Variants in EIF2D observed in about 807,000 individuals in gnomAD.
EIF2D encodes hepatocellular carcinoma-associated antigen 56.
EIF2D carries 56 observed loss-of-function variants against 77.4 expected under a neutral mutation model. The observed-to-expected ratio is 0.72, with a 90% CI of 0.58 to 0.90. EIF2D has a LOEUF of 0.90. EIF2D is among the 40% of genes least tolerant of loss of function. The pLI is 0.00. For missense variants in EIF2D, 574 were observed against 706.5 expected (o/e 0.81, Z 2.13); for synonymous variants, 230 against 271.0 (o/e 0.85, Z 1.49).
chr1:206,583,515 G>A (rs1668979427), intron 2 of EIF2D: 11 of 659,124 alleles, frequency 1.7e-5, no homozygotes, highest in African/African-American at 5.4e-5. Flanking sequence ...AGAGGCCTCC[G>A]GGGTCTGGAA....
Position 206,611,378 on chromosome 1 carries a change from T to C in EIF2D, c.57-4A>G. 6.2e-7 allele frequency: 1 copy of C among 1,612,184 alleles called. No individual in the cohort carries two copies. The highest frequency in any genetic ancestry group is 8.5e-7 in the Non-Finnish European group (1 of 1,178,542). On this transcript the variant is annotated splice_polypyrimidine_tract_variant and splice_region_variant and intron_variant, in intron 1 of 14. Transcript: ENST00000271764. Reference sequence around the variant, plus strand: ...CACATCAGCTCGAAGCTTTCTCCTGTGGAAAGCACACCAGCACTGTGAATG... The same window carrying C: ...CACATCAGCTCGAAGCTTTCTCCTGCGGAAAGCACACCAGCACTGTGAATG...
At chr1:206,572,902 G>T (rs1175554818) in intron 4 of EIF2D, among the ~76,000 whole-genome samples, 1 of 152,158 alleles carries the variant, frequency 6.6e-6, no homozygotes, top group African/African-American at 2.4e-5. Context: ...TGGCTGAAGG[G>T]CCTATCGGGA....
intron 14 of EIF2D, 34 bp from the exon 15 acceptor site, chr1:206,591,879 G>A (rs781995775): frequency 2.5e-6 from 4 of 1,609,286 alleles, no homozygotes; most frequent in African/African-American, 1.3e-5. Flanking sequence ...CCTCAGCGGA[G>A]CATGACCTTG....
intron 13 of EIF2D, 147 bp downstream of exon 13, chr1:206,595,571 G>C (rs1669606607): frequency 2.0e-6 from 2 of 997,064 alleles, no homozygotes; most frequent in Non-Finnish European, 2.9e-6. Flanking sequence ...ACAGAGCCCA[G>C]CCCAGGCACA....
At chr1:206,602,254 T>C (rs782371032) in intron 7 of EIF2D, 82 bp downstream of exon 7, 135 of 1,049,212 alleles carry the variant, frequency 1.3e-4, no homozygotes, top group Non-Finnish European at 1.6e-4. Flanking sequence ...AGTCCCTGCA[T>C]TGGCCCCATC....
rs1669045905 is a variant in EIF2D at position 206,584,849 on chromosome 1, G to A, written c.139-3687C>T. The A allele has an allele frequency of 2.8e-6, 2 of 727,002 alleles. No homozygotes were observed. Among genetic ancestry groups the A allele is most frequent in the Admixed American group, 2.8e-5 (1 of 35,412 alleles). 45.0% of individuals were successfully genotyped at this position (727,002 alleles called of 1,614,324 possible). On this transcript the variant is annotated intron_variant and NMD_transcript_variant, in intron 2 of 5. Transcript: ENST00000472709. The surrounding 1 kb of genome is among the most constrained non-coding windows in gnomAD (Gnocchi z 4.9). Reference sequence around the variant, plus strand: ...AGATCTGTGGAATCCGGGCAGGGAGGCAAGAGCAGAGTCCCTGACTCTGCA... The same window carrying A: ...AGATCTGTGGAATCCGGGCAGGGAGACAAGAGCAGAGTCCCTGACTCTGCA...
At chr1:206,605,608 C>G in intron 4 of EIF2D, 101 bp from the exon 5 acceptor site, 1 of 1,000,204 alleles carries the variant, frequency 1.0e-6, no homozygotes, top group South Asian at 1.4e-5. Flanking sequence ...ACCAAGGTTA[C>G]CAATTCGAAG....
At chr1:206,600,511 T>A (rs1669877702) in intron 7 of EIF2D, 1 of 527,582 alleles carries the variant, frequency 1.9e-6, no homozygotes. Context: ...TCAAGAGAAC[T>A]TTCCATAGAC....
intron 2 of EIF2D, among the ~76,000 whole-genome samples, chr1:206,581,881 A>AG (rs1302068204): frequency 3.3e-4 from 50 of 151,862 alleles, no homozygotes; most frequent in African/African-American, 9.4e-4. Context: ...TCTGTCACGG[A>AG]GGGGGGGCCC....
rs941365747 is a variant in EIF2D at position 206,600,118 on chromosome 1, T to C, written c.948+145A>G. On this transcript the variant is annotated intron_variant, in intron 8 of 14. Transcript: ENST00000271764. Reference sequence around the variant, plus strand: ...ACTGCTTCAGCCCAGGGAGAGTTTCTTTCTTCCCCCTTATACTTGGAGTCA... The same window carrying C: ...ACTGCTTCAGCCCAGGGAGAGTTTCCTTCTTCCCCCTTATACTTGGAGTCA... 20 of 843,936 alleles carry C rather than the reference T, an allele frequency of 2.4e-5. No individual in the cohort carries two copies. The African/African-American group carries it at 2.8e-4, about 12-fold the overall frequency. The allele number at this position is 843,936 out of a possible 1,614,324, so 52.3% of individuals were successfully genotyped here. A position where few individuals can be genotyped will look rare whatever the true frequency, so the allele number is the denominator to read the frequency against.
chr1:206,589,517 G>T (rs1669275365), downstream of EIF2D: 1 of 152,344 alleles, frequency 6.6e-6, no homozygotes, highest in East Asian at 1.9e-4. Flanking sequence ...GAGAGTCAAG[G>T]AGACTGATTG....
chr1:206,582,550 G>A (rs1553406602), intron 2 of EIF2D, among the ~76,000 whole-genome samples: 2 of 152,246 alleles, frequency 1.3e-5, no homozygotes, highest in Non-Finnish European at 2.9e-5. Flanking sequence ...TGGCACAGAA[G>A]AAGTGCTAAG....
chr1:206,593,504 AGAGAGTGT>A (rs1669477381), intron 14 of EIF2D, 107 bp downstream of exon 14: 2 of 405,058 alleles, frequency 4.9e-6, no homozygotes, highest in African/African-American at 4.5e-5. Flanking sequence ...AGAGAGAGAG[AGAGAGTGT>A]GTGTGTGTGT....
At position 206,592,084 on chromosome 1, in the gene EIF2D, G is replaced by C. The variant is rs991903377; in HGVS notation, c.1685-239C>G. Among the ~76,000 whole-genome samples the C allele has an allele frequency of 6.6e-6, 1 of 152,212 alleles. No individual in the cohort carries two copies. Among genetic ancestry groups the C allele is most frequent in the African/African-American group, 2.4e-5 (1 of 41,448 alleles). ...TTTTTTCACGAGAGAGAATGTGTCT[G>C]TTCAGTCTGTGCTCCTCGCTCTTGC... On this transcript the variant is annotated intron_variant, in intron 14 of 14. Transcript: ENST00000271764. This position sits in a 1 kb window ranked among gnomAD's most constrained non-coding sequence, Gnocchi z 4.7.
At position 206,599,909 on chromosome 1, in the gene EIF2D, G is replaced by C. The variant is rs1207369224; in HGVS notation, c.949-73C>G. ...CATACTGAGCACCCAGGATGTGCCA[G>C]AGTGAGCTAGGCAGGGACTGTGCAG... is the stretch of plus-strand genomic sequence containing the variant. On this transcript the variant is annotated intron_variant, in intron 8 of 14. Coordinates refer to ENST00000271764, the MANE Select transcript of EIF2D (RefSeq NM_006893.3). The surrounding 1 kb of genome is among the most constrained non-coding windows in gnomAD (Gnocchi z 4.1). 7 of 1,427,870 alleles carry C rather than the reference G, an allele frequency of 4.9e-6. No homozygotes were observed. Among genetic ancestry groups the C allele is most frequent in the Non-Finnish European group, 6.9e-6 (7 of 1,020,708 alleles). The allele number at this position is 1,427,870 out of a possible 1,614,324, so 88.5% of individuals were successfully genotyped here.
intron 2 of EIF2D, chr1:206,585,377 A>G (rs1048812752): frequency 1.0e-6 from 1 of 994,676 alleles, no homozygotes. Flanking sequence ...ACTACCTCAC[A>G]TAGGTGGGAG....
chr1:206,593,874 C>T, intron 13 of EIF2D, 81 bp from the exon 14 acceptor site: 2 of 1,292,040 alleles, frequency 1.5e-6, no homozygotes, highest in Non-Finnish European at 2.1e-6. Flanking sequence ...GCCTCAGCAG[C>T]CTTCTGAGCC....
Position 206,598,268 on chromosome 1 carries a change from C to G in EIF2D, c.1292+735G>C, listed in dbSNP as rs115579933. On this transcript the variant is annotated intron_variant, in intron 11 of 14. Coordinates refer to ENST00000271764, the MANE Select transcript of EIF2D (RefSeq NM_006893.3). Reference sequence around the variant, plus strand: ...GCTCAGGTGGGTCTCAAACCCCTGGCCTCAAGCAATCCTCCCACCTCAACC... The same window carrying G: ...GCTCAGGTGGGTCTCAAACCCCTGGGCTCAAGCAATCCTCCCACCTCAACC... Among the ~76,000 whole-genome samples, 1,047 of 151,854 alleles carry G rather than the reference C, an allele frequency of 6.9e-3. 10 individuals carry two copies. Among genetic ancestry groups the G allele is most frequent in the African/African-American group, 0.024 (999 of 41,390 alleles).
chr1:206,587,715 G>C (rs1483794001), downstream of EIF2D: 1 of 152,398 alleles, frequency 6.6e-6, no homozygotes, highest in Non-Finnish European at 1.5e-5. Context: ...TCAACAAACT[G>C]TTCGTTTTTA....
Sources: allele counts gnomAD v4.1 joint callset (sites outside exome capture counted in the v4.1 genomes callset), GRCh38; gene constraint gnomAD v4.1.1; non-coding constraint Gnocchi (gnomAD v3.1); transcripts MANE v1.5; gene names NCBI Gene and HGNC (gene_info 2026-07-23, HGNC 2026-07-21).